The following PDE4DIP variants were observed in gnomAD, a reference collection of about 807,000 sequenced individuals.
PDE4DIP encodes the protein myomegalin.
PDE4DIP carries 59 observed loss-of-function variants against 221.4 expected under a neutral mutation model. That is an observed-to-expected ratio of 0.27 (90% CI 0.22 to 0.33). PDE4DIP has a LOEUF of 0.33. PDE4DIP is among the 10% of genes least tolerant of loss of function. PDE4DIP has a pLI of 1.00. For synonymous variants in PDE4DIP, 404 were observed against 815.9 expected (o/e 0.50, Z 8.60); for missense variants, 1,036 against 2,154.2 (o/e 0.48, Z 10.28).
chr1:148,969,805 C>A (rs1490368150), intron 14 of PDE4DIP, among the ~76,000 whole-genome samples: 1 of 150,556 alleles, frequency 6.6e-6, no homozygotes, highest in African/African-American at 2.4e-5. Context: ...CTCCTGGGTT[C>A]AAGCAATTCT....
chr1:148,814,960 C>A (rs1553354869), intron 1 of PDE4DIP, among the ~76,000 whole-genome samples: 1 of 69,842 alleles, frequency 1.4e-5, no homozygotes, highest in East Asian at 3.9e-4. Context: ...TAAATGATAC[C>A]TACATTCTAA....
intron 1 of PDE4DIP, among the ~76,000 whole-genome samples, chr1:148,906,995 G>C (rs1323944550): frequency 6.6e-6 from 1 of 151,426 alleles, no homozygotes; most frequent in African/African-American, 2.5e-5. Flanking sequence ...GTTGCAGTGT[G>C]CCAAGATCGC....
chr1:148,987,242 G>A (rs1316349400), intron 21 of PDE4DIP, among the ~76,000 whole-genome samples: 1 of 152,080 alleles, frequency 6.6e-6, no homozygotes, highest in Non-Finnish European at 1.5e-5. Context: ...TCTGTTCCAC[G>A]ATCAGAATCT....
At chr1:149,011,177 G>A (rs1327510828) in intron 31 of PDE4DIP, among the ~76,000 whole-genome samples, 2 of 145,780 alleles carry the variant, frequency 1.4e-5, no homozygotes, top group Admixed American at 6.9e-5. Context: ...GTTGCCGGAG[G>A]GTACACTGCT....
intron 19 of PDE4DIP, among the ~76,000 whole-genome samples, chr1:148,978,869 G>A (rs1336873644): frequency 7.2e-5 from 11 of 151,884 alleles, no homozygotes; most frequent in African/African-American, 2.4e-4. Context: ...TACTTTGGTC[G>A]GTAGCAGCTA....
At chr1:149,018,195 C>T in intron 34 of PDE4DIP, 1 of 386,436 alleles carries the variant, frequency 2.6e-6, no homozygotes, top group Non-Finnish European at 4.7e-6. Context: ...CCACCTCTAC[C>T]CTCGCCTCTT....
intron 7 of PDE4DIP, 57 bp from the exon 11 acceptor site, chr1:148,962,139 T>C: frequency 3.0e-6 from 2 of 671,728 alleles, no homozygotes; most frequent in South Asian, 1.7e-5. Context: ...ACAGGTGATA[T>C]AATGGAATTT....
rs781936998 is a variant in PDE4DIP, at chr1:148,953,909, T to C, written c.637-6745T>C. 5.6e-6 allele frequency: 9 copies of C among 1,610,014 alleles called. No homozygotes were observed. The Admixed American group carries it at 1.5e-4, about 27-fold the overall frequency. ...TTATTTGCCGCTCCGGGTCCAGGTA[T>C]ACAAAACGGCTACATAGTGCCTTTC... On this transcript the variant is annotated intron_variant, in intron 5 of 43. Transcript: ENST00000369354.
At chr1:149,029,831 A>G (rs1553634601) in exon 42 of PDE4DIP, 15 of 1,606,198 alleles carry the variant, frequency 9.3e-6, no homozygotes, top group Non-Finnish European at 1.2e-5. Flanking sequence ...GAACCAAAGT[A>G]TCCAAACAGG....
rs1168635400 is a variant in PDE4DIP, at chr1:148,859,834, G to A, written c.234-3416G>A. ...TGTGTGTGTGTGTGTGTGTGTATGT[G>A]TGTGTGTGTGTGTGTGTCCATGCTT... On this transcript the variant is annotated intron_variant, in intron 1 of 45. Transcript: ENST00000524974. Among the ~76,000 whole-genome samples, 796 of 133,456 alleles carry A rather than the reference G, an allele frequency of 6.0e-3. 3 individuals are homozygous for A. Among genetic ancestry groups the A allele is most frequent in the Non-Finnish European group, 9.1e-3 (561 of 61,712 alleles). The allele number at this position is 133,456 out of a possible 152,430, so 87.6% of individuals were successfully genotyped here. A position where few individuals can be genotyped will look rare whatever the true frequency, so the allele number is the denominator to read the frequency against.
At chr1:148,992,482 G>C (rs1340715026) in intron 22 of PDE4DIP, 2 of 1,251,476 alleles carry the variant, frequency 1.6e-6, no homozygotes, top group East Asian at 5.9e-5. Flanking sequence ...TATGCAACCT[G>C]ACAAACCACT....
chr1:148,946,540 CAAA>C (rs67877634), intron 5 of PDE4DIP, among the ~76,000 whole-genome samples: 6 of 109,758 alleles, frequency 5.5e-5, no homozygotes, highest in East Asian at 6.0e-4. Flanking sequence ...GACTTCGTCT[CAAA>C]AAAAAAAAAA....
At chr1:148,923,583 C>G (rs1283937653) in intron 1 of PDE4DIP, among the ~76,000 whole-genome samples, 1 of 140,700 alleles carries the variant, frequency 7.1e-6, no homozygotes, top group Non-Finnish European at 1.5e-5. Context: ...ACGCCATTCT[C>G]CTGCCTCAGC....
chr1:148,927,668 A>T (rs12128995), intron 1 of PDE4DIP, among the ~76,000 whole-genome samples: 17,253 of 150,072 alleles, frequency 0.11, 165 homozygotes, highest in Middle Eastern at 0.19. Context: ...TAGCTACTTT[A>T]CCTTCAGTCT....
intron 4 of PDE4DIP, among the ~76,000 whole-genome samples, chr1:148,933,594 T>G (rs1419719214): frequency 6.6e-6 from 1 of 152,172 alleles, no homozygotes; most frequent in Non-Finnish European, 1.5e-5. Flanking sequence ...TTTAGCCTCT[T>G]AGGTGCATAA....
intron 1 of PDE4DIP, among the ~76,000 whole-genome samples, chr1:148,924,348 G>T (rs1553464355): frequency 6.6e-6 from 1 of 152,332 alleles, no homozygotes; most frequent in Admixed American, 6.5e-5. Flanking sequence ...AGCTGGAGAG[G>T]TAGATTGAGG....
intron 19 of PDE4DIP, 23 bp from the exon 23 acceptor site, chr1:148,979,714 C>T (rs1553540507): frequency 6.2e-7 from 1 of 1,606,728 alleles, no homozygotes; most frequent in Non-Finnish European, 8.5e-7. Context: ...TTGCGTATTG[C>T]TTCCTCTCTC....
intron 1 of PDE4DIP, among the ~76,000 whole-genome samples, chr1:148,890,703 C>T (rs1343532221): frequency 7.0e-5 from 6 of 85,704 alleles, no homozygotes; most frequent in East Asian, 5.6e-4. Flanking sequence ...TGCGGTGAGA[C>T]GGGATTGCGC....
intron 5 of PDE4DIP, among the ~76,000 whole-genome samples, chr1:148,941,312 T>G (rs1438841162): frequency 2.1e-5 from 1 of 47,578 alleles, no homozygotes; most frequent in East Asian, 5.0e-4. Context: ...AGGCAGAAAA[T>G]AGGAAACGGA....
Sources: gnomAD v4.1 joint callset for allele counts (sites outside exome capture counted in the v4.1 genomes callset) on GRCh38, gnomAD v4.1.1 for gene constraint, MANE v1.5 for transcripts, NCBI Gene and HGNC (gene_info 2026-07-23, HGNC 2026-07-21) for gene names.